TTC28: variants seen among roughly 807,000 people sequenced by gnomAD.
TTC28 encodes the protein tetratricopeptide repeat domain 28.
Under a neutral mutation model 198.0 loss-of-function variants are expected in TTC28, and 61 were observed. The observed-to-expected ratio is 0.31, with a 90% CI of 0.25 to 0.38. TTC28 has a LOEUF of 0.38. Among genes scored for constraint, TTC28 ranks in the 10% least tolerant of loss-of-function variants. The pLI is 1.00. For synonymous variants in TTC28, 1,171 were observed against 1,297.8 expected (o/e 0.90, Z 2.10); for missense variants, 2,678 against 3,164.0 (o/e 0.85, Z 3.69).
chr22:28,279,823 G>C (rs921612328), intron 5 of TTC28, among the ~76,000 whole-genome samples: 1 of 152,180 alleles, frequency 6.6e-6, no homozygotes, highest in African/African-American at 2.4e-5. Flanking sequence ...TGATCTGACT[G>C]TTTTCGCTAC....
chr22:28,593,913 G>T (rs939574334), intron 2 of TTC28, among the ~76,000 whole-genome samples: 1 of 152,094 alleles, frequency 6.6e-6, no homozygotes, highest in Admixed American at 6.6e-5. Context: ...GACTTTTCAG[G>T]AATGAGGTAT....
chr22:28,606,107 G>A (rs1271556892), intron 2 of TTC28, among the ~76,000 whole-genome samples: 7 of 143,758 alleles, frequency 4.9e-5, no homozygotes, highest in East Asian at 2.0e-4. Context: ...TTTTTGAGAC[G>A]ATATCTCTCC....
chr22:28,573,077 G>C (rs1219648045), intron 2 of TTC28, among the ~76,000 whole-genome samples: 2 of 150,204 alleles, frequency 1.3e-5, no homozygotes, highest in African/African-American at 4.9e-5. Context: ...AGCAGTGATT[G>C]CATCACTGCA....
At chr22:28,057,648 T>A (rs1569111662) in intron 12 of TTC28, among the ~76,000 whole-genome samples, 1 of 152,142 alleles carries the variant, frequency 6.6e-6, no homozygotes, top group Non-Finnish European at 1.5e-5. Context: ...CTTTTCTGGC[T>A]ATTGCTTTTT....
Position 28,030,265 on chromosome 22 carries a change from C to A in TTC28, c.4034G>T (p.Gly1345Val), listed in dbSNP as rs1158287889. The A allele has an allele frequency of 4.5e-6, 7 of 1,551,652 alleles. No homozygotes were observed. Among genetic ancestry groups the A allele is most frequent in the Non-Finnish European group, 5.2e-6 (6 of 1,147,022 alleles). Residue 1345 changes from glycine (G) to valine (V), a missense_variant, in exon 13 of 23, where the codon GGC becomes GTC. By Grantham distance (109) the Gly-to-Val change is moderately radical. Around this residue, in one of 8 missense-constraint regions of TTC28, gnomAD observed 727 missense variants for 861.9 expected, o/e 0.84. Coordinates refer to ENST00000397906, the MANE Select transcript of TTC28 (RefSeq NM_001145418.2). Reference protein sequence around the residue: ...NKLNSVTDPTGFLRMVRRNNL... With the variant: ...NKLNSVTDPTVFLRMVRRNNL... ...ATTGCGGCGAACCATCCGCAGAAAGCCAGTGGGGTCAGTGACCGAGTTGAG... is the reference window on the plus strand; with the variant it reads ...ATTGCGGCGAACCATCCGCAGAAAGACAGTGGGGTCAGTGACCGAGTTGAG...
At chr22:28,116,745 A>G (rs926756854) in intron 6 of TTC28, among the ~76,000 whole-genome samples, 5 of 152,232 alleles carry the variant, frequency 3.3e-5, no homozygotes, top group Non-Finnish European at 7.3e-5. Context: ...CCTTGAGCTA[A>G]GACCCTGAAA....
At chr22:28,389,497 C>T (rs134532) in intron 2 of TTC28, among the ~76,000 whole-genome samples, 122,932 of 140,818 alleles carry the variant, frequency 0.87, 53,825 homozygotes, top group East Asian at 0.99. Flanking sequence ...TGGTAAGCTA[C>T]TGATTATTGC....
At chr22:28,461,227 C>A (rs571922772) in intron 2 of TTC28, among the ~76,000 whole-genome samples, 1 of 152,256 alleles carries the variant, frequency 6.6e-6, no homozygotes, top group South Asian at 2.1e-4. Flanking sequence ...CCAGTGTGTG[C>A]AATGGTACAT....
chr22:28,676,358 G>A (rs1336589760), intron 1 of TTC28, among the ~76,000 whole-genome samples: 1 of 152,178 alleles, frequency 6.6e-6, no homozygotes, highest in African/African-American at 2.4e-5. Flanking sequence ...TAGGGGAAAA[G>A]GCAATAAGGA....
At chr22:28,274,463 T>C (rs1176615668) in intron 5 of TTC28, among the ~76,000 whole-genome samples, 1 of 152,204 alleles carries the variant, frequency 6.6e-6, no homozygotes, top group Non-Finnish European at 1.5e-5. Flanking sequence ...AGGGATGAGA[T>C]AGTCTCAGAA....
chr22:28,057,824 G>A lies in TTC28; in HGVS notation c.3933-27458C>T, dbSNP rs565358993. Reference sequence around the variant, plus strand: ...TTTTTTTCTGTAGATATACCCAGTTGTTCCAGCATGATTTGTTGAAAAGAC... The same window carrying A: ...TTTTTTTCTGTAGATATACCCAGTTATTCCAGCATGATTTGTTGAAAAGAC... On this transcript the variant is annotated intron_variant, in intron 12 of 22. Transcript: ENST00000397906. Among the ~76,000 whole-genome samples, 5 of 152,158 alleles carry A rather than the reference G, an allele frequency of 3.3e-5. No homozygotes were observed. The East Asian group carries it at 9.6e-4, about 29-fold the overall frequency.
intron 1 of TTC28, among the ~76,000 whole-genome samples, chr22:28,632,198 C>T (rs2051184111): frequency 7.2e-6 from 1 of 139,776 alleles, no homozygotes; most frequent in Non-Finnish European, 1.5e-5. Context: ...CAGGACAATT[C>T]AAAACATTAA....
intron 12 of TTC28, among the ~76,000 whole-genome samples, chr22:28,046,899 TCAATG>T (rs752446856): frequency 1.6e-4 from 25 of 152,132 alleles, no homozygotes; most frequent in Non-Finnish European, 2.8e-4. Flanking sequence ...AACGGAGGTG[TCAATG>T]CAATAAATAT....
intron 2 of TTC28, among the ~76,000 whole-genome samples, chr22:28,338,543 T>C (rs1601653551): frequency 1.3e-5 from 2 of 152,298 alleles, no homozygotes; most frequent in Non-Finnish European, 2.9e-5. Context: ...TGTTTCTTTT[T>C]ATTCTTTTTC....
intron 6 of TTC28, among the ~76,000 whole-genome samples, chr22:28,133,375 G>A (rs958496863): frequency 1.3e-5 from 2 of 152,272 alleles, no homozygotes; most frequent in South Asian, 2.1e-4. Flanking sequence ...TGGACAGTGG[G>A]TGCAGCCCAC....
chr22:28,317,982 C>A (rs2045378740), intron 2 of TTC28, among the ~76,000 whole-genome samples: 1 of 151,984 alleles, frequency 6.6e-6, no homozygotes, highest in Admixed American at 6.6e-5. Flanking sequence ...TGGTTCACTG[C>A]ATCCTTGACA....
At chr22:28,303,839 G>C (rs983869088) in intron 3 of TTC28, 1 of 138,752 alleles carries the variant, frequency 7.2e-6, no homozygotes, top group African/African-American at 2.7e-5. Flanking sequence ...TGCTTCATTT[G>C]ACTAGCCTTT....
chr22:28,167,725 C>A (rs975583150), intron 5 of TTC28, among the ~76,000 whole-genome samples: 22 of 152,144 alleles, frequency 1.4e-4, no homozygotes, highest in Non-Finnish European at 1.5e-4. Context: ...TACTGAATGG[C>A]CAAAAACTGG....
At chr22:28,587,282 A>G (rs1437069123) in intron 2 of TTC28, among the ~76,000 whole-genome samples, 1 of 152,188 alleles carries the variant, frequency 6.6e-6, no homozygotes, top group Non-Finnish European at 1.5e-5. Context: ...TTGTTTGAAC[A>G]TCACTTAAAC....
Sources: allele counts gnomAD v4.1 joint callset (sites outside exome capture counted in the v4.1 genomes callset), GRCh38; gene constraint gnomAD v4.1.1; regional missense constraint gnomAD v4.1.1; transcripts MANE v1.5; gene names NCBI Gene and HGNC (gene_info 2026-07-23, HGNC 2026-07-21).